Variants in KCNC2 observed in about 807,000 individuals in gnomAD.
KCNC2 encodes the protein potassium voltage-gated channel subfamily C member 2, also known as voltage-gated potassium channel KCNC2.
A neutral mutation model predicts 44.5 loss-of-function variants in KCNC2; 21 were observed. The observed-to-expected ratio is 0.47, with a 90% CI of 0.33 to 0.68. The LOEUF (loss-of-function observed/expected upper bound fraction) is 0.68, where lower values mean the gene tolerates loss of function less well. Ranked by LOEUF, KCNC2 falls within the 30% of genes least tolerant of loss-of-function variation. The pLI, the probability that KCNC2 is intolerant of heterozygous loss-of-function variation, is 0.01. For synonymous variants in KCNC2, 391 were observed against 339.1 expected, an observed-to-expected ratio of 1.15 and a Z score of -1.68; for missense variants, 589 against 826.2, an observed-to-expected ratio of 0.71 and a Z score of 3.52.
At chr12:75,171,252 G>T (rs971326279) in intron 2 of KCNC2, among the ~76,000 whole-genome samples, 1 of 151,712 alleles carries the variant, frequency 6.6e-6, no homozygotes, top group African/African-American at 2.4e-5. Flanking sequence ...CCTTTGCCAG[G>T]TAATGTAACC....
intron 2 of KCNC2, among the ~76,000 whole-genome samples, chr12:75,104,010 A>C (rs1886579603): frequency 6.6e-6 from 1 of 152,042 alleles, no homozygotes; most frequent in Non-Finnish European, 1.5e-5. Flanking sequence ...TCATCTTCTG[A>C]TGATGCGTCA....
chr12:75,047,476 T>C (rs1003212861), intron 4 of KCNC2, among the ~76,000 whole-genome samples: 1 of 152,124 alleles, frequency 6.6e-6, no homozygotes, highest in African/African-American at 2.4e-5. Context: ...TATTATCTTC[T>C]AGGTGTCAGG....
At chr12:75,116,103 A>T (rs1394475259) in intron 2 of KCNC2, among the ~76,000 whole-genome samples, 1 of 152,234 alleles carries the variant, frequency 6.6e-6, no homozygotes, top group Non-Finnish European at 1.5e-5. Flanking sequence ...TTCAATAAAA[A>T]TGTTGTATGC....
chr12:75,111,454 AT>A (rs1435566786), intron 2 of KCNC2, among the ~76,000 whole-genome samples: 9 of 152,104 alleles, frequency 5.9e-5, no homozygotes, highest in African/African-American at 2.2e-4. Context: ...TTGTGTACAC[AT>A]TTCCTGGTGA....
chr12:75,106,209 A>G (rs532717578), intron 2 of KCNC2, among the ~76,000 whole-genome samples: 3 of 152,272 alleles, frequency 2.0e-5, no homozygotes, highest in Admixed American at 6.5e-5. Flanking sequence ...AGTCATGGTG[A>G]TGGGTGAACT....
chr12:75,202,042 C>A lies in KCNC2; in HGVS notation c.687+5255G>T, dbSNP rs184576724. ...TATTTGTCATAGTAAAAATTGATGGCAATGATAAACATTTTCAAATGCAAA... is the reference window on the plus strand; with the variant it reads ...TATTTGTCATAGTAAAAATTGATGGAAATGATAAACATTTTCAAATGCAAA... On this transcript the variant is annotated intron_variant, in intron 2 of 4. Coordinates refer to ENST00000549446, the MANE Select transcript of KCNC2 (RefSeq NM_139137.4). Among the ~76,000 whole-genome samples, 198 of 151,948 alleles carry A rather than the reference C, an allele frequency of 1.3e-3. 2 individuals carry two copies. Among genetic ancestry groups the A allele is most frequent in the Admixed American group, 4.9e-3 (75 of 15,240 alleles).
chr12:75,188,482 C>A (rs1253667298), intron 2 of KCNC2, among the ~76,000 whole-genome samples: 3 of 152,000 alleles, frequency 2.0e-5, no homozygotes, highest in African/African-American at 7.3e-5. Context: ...AGTATAGATT[C>A]TTAGATTAAA....
rs186659860 is a variant in KCNC2, at chr12:75,110,125, C to A, written c.688-58808G>T. On this transcript the variant is annotated intron_variant, in intron 2 of 4. Coordinates refer to ENST00000549446, the MANE Select transcript of KCNC2 (RefSeq NM_139137.4). ...AGATGGAGGAAAGAGAATAATCAAG[C>A]CAACAATAGACAAAACGTTTTCTAA... is the stretch of plus-strand genomic sequence containing the variant. Among the ~76,000 whole-genome samples, 552 of 151,966 alleles carry A rather than the reference C, an allele frequency of 3.6e-3. 4 individuals carry two copies. Among genetic ancestry groups the A allele is most frequent in the African/African-American group, 0.012 (518 of 41,458 alleles).
intron 2 of KCNC2, among the ~76,000 whole-genome samples, chr12:75,124,450 G>A (rs1407770132): frequency 1.3e-5 from 2 of 152,154 alleles, no homozygotes; most frequent in Non-Finnish European, 2.9e-5. Flanking sequence ...TAAGGATTAA[G>A]AGTCTGAGAT....
rs1313998973 is a variant in KCNC2 at position 75,201,262 on chromosome 12, G to GAAAAAA, written c.687+6029_687+6034dup. 4.9e-4 allele frequency among the ~76,000 whole-genome samples: 9 copies of GAAAAAA among 18,468 alleles called. 4 individuals carry two copies. Among genetic ancestry groups the GAAAAAA allele is most frequent in the Admixed American group, 1.5e-3 (2 of 1,358 alleles). The allele number at this position is 18,468 out of a possible 152,430, so 12.1% of individuals were successfully genotyped here. ...GGGCAGAAAGTTACAAACGAAATTGGAAAAAAAAAAAAAAAAAAAAAAAAA... is the reference window on the plus strand; with the variant it reads ...GGGCAGAAAGTTACAAACGAAATTGGAAAAAAAAAAAAAAAAAAAAAAAAAAAAAAA... On this transcript the variant is annotated intron_variant, in intron 2 of 4. Transcript: ENST00000549446.
At chr12:75,182,530 A>AC (rs1565671855) in intron 2 of KCNC2, among the ~76,000 whole-genome samples, 2 of 135,690 alleles carry the variant, frequency 1.5e-5, no homozygotes, top group South Asian at 2.4e-4. Context: ...CAAAAAAAAA[A>AC]AAAAAAACAA....
intron 2 of KCNC2, among the ~76,000 whole-genome samples, chr12:75,087,967 A>G (rs1185661815): frequency 1.3e-5 from 2 of 150,590 alleles, no homozygotes; most frequent in Admixed American, 6.6e-5. Flanking sequence ...ACAGAATCAT[A>G]CATTTCATGG....
At chr12:75,091,583 G>A (rs117128518) in intron 2 of KCNC2, among the ~76,000 whole-genome samples, 4,040 of 151,764 alleles carry the variant, frequency 0.027, 82 homozygotes, top group Non-Finnish European at 0.04. Flanking sequence ...TGGGTATTGT[G>A]TTGCTCTAAT....
intron 2 of KCNC2, among the ~76,000 whole-genome samples, chr12:75,134,976 C>T (rs1210139510): frequency 5.3e-5 from 8 of 151,828 alleles, no homozygotes; most frequent in South Asian, 2.1e-4. Flanking sequence ...CAGAAAGGAA[C>T]GGCTTTTAGT....
chr12:75,131,099 A>C (rs1331551768), intron 2 of KCNC2, among the ~76,000 whole-genome samples: 3 of 152,132 alleles, frequency 2.0e-5, no homozygotes, highest in African/African-American at 7.2e-5. Context: ...GATGATCATA[A>C]ATTTTCACAT....
intron 2 of KCNC2, among the ~76,000 whole-genome samples, chr12:75,204,030 A>G (rs1271845051): frequency 1.3e-5 from 2 of 151,980 alleles, no homozygotes; most frequent in African/African-American, 2.4e-5. Context: ...AAATATATTT[A>G]TGCATCCTTG....
In KCNC2 at chr12:75,042,453, C is replaced by T. The variant is rs945234937; in HGVS notation, c.*652G>A. ...AAAGTAAATCAATCAAGAAATTAAA[C>T]TATTTAAAACATATATTTCTTTCAA... On this transcript the variant is annotated 3_prime_UTR_variant, in exon 5 of 5. Transcript: ENST00000549446. 11 of 1,535,850 alleles carry T rather than the reference C, an allele frequency of 7.2e-6. No individual in the cohort carries two copies. Among genetic ancestry groups the T allele is most frequent in the Admixed American group, 4.1e-5 (2 of 48,602 alleles).
intron 2 of KCNC2, among the ~76,000 whole-genome samples, chr12:75,205,334 C>G (rs1171685116): frequency 6.6e-6 from 1 of 151,790 alleles, no homozygotes; most frequent in Non-Finnish European, 1.5e-5. Context: ...GTCTATGATT[C>G]TTAGCTGATT....
chr12:75,161,829 T>C (rs1168877120), intron 2 of KCNC2, among the ~76,000 whole-genome samples: 1 of 151,732 alleles, frequency 6.6e-6, no homozygotes, highest in Non-Finnish European at 1.5e-5. Context: ...AGAATTCCTA[T>C]GAGACATTAA....
Sources: gnomAD v4.1 joint callset for allele counts (sites outside exome capture counted in the v4.1 genomes callset) on GRCh38, gnomAD v4.1.1 for gene constraint, MANE v1.5 for transcripts, NCBI Gene and HGNC (gene_info 2026-07-23, HGNC 2026-07-21) for gene names.